DLEU7: variants seen among roughly 807,000 people sequenced by gnomAD.
The protein encoded by DLEU7 is leukemia-associated protein 7.
In DLEU7, 17 loss-of-function variants were observed where a neutral mutation model predicts 16.0. That is an observed-to-expected ratio of 1.06 (90% confidence interval 0.73 to 1.59). The LOEUF is 1.59. Among genes scored for constraint, DLEU7 ranks in the 40% most tolerant of loss-of-function variants. DLEU7 has a pLI of 0.00. For synonymous variants in DLEU7, 113 were observed against 139.8 expected, an observed-to-expected ratio of 0.81 and a Z score of 1.35; for missense variants, 308 against 314.9, an observed-to-expected ratio of 0.98 and a Z score of 0.17.
chr13:50,810,453 G>A (rs1414344579), intron 1 of DLEU7, among the ~76,000 whole-genome samples: 1 of 152,034 alleles, frequency 6.6e-6, no homozygotes, highest in Non-Finnish European at 1.5e-5. Context: ...TATAAGATAT[G>A]AATGTTTTAA....
At chr13:50,825,557 C>A (rs1003934305) in intron 1 of DLEU7, among the ~76,000 whole-genome samples, 1 of 152,048 alleles carries the variant, frequency 6.6e-6, no homozygotes, top group African/African-American at 2.4e-5. Context: ...AGAAAATATT[C>A]TGTAATTTAA....
intron 1 of DLEU7, among the ~76,000 whole-genome samples, chr13:50,722,697 G>A (rs922957829): frequency 6.6e-6 from 1 of 152,106 alleles, no homozygotes; most frequent in Non-Finnish European, 1.5e-5. Flanking sequence ...TTACTTTAGC[G>A]TTTCAGAACA....
At chr13:50,737,719 C>G (rs1194394217) in intron 1 of DLEU7, among the ~76,000 whole-genome samples, 1 of 152,086 alleles carries the variant, frequency 6.6e-6, no homozygotes, top group Non-Finnish European at 1.5e-5. Context: ...CCTTGGGCCT[C>G]TAATTCCCTG....
At chr13:50,743,449 G>T (rs796138755) in intron 1 of DLEU7, among the ~76,000 whole-genome samples, 12 of 152,256 alleles carry the variant, frequency 7.9e-5, no homozygotes, top group African/African-American at 2.6e-4. Context: ...TTAAATCCTG[G>T]CTCTATTCTT....
intron 1 of DLEU7, among the ~76,000 whole-genome samples, chr13:50,812,754 G>A (rs74078448): frequency 0.048 from 7,239 of 151,496 alleles, 578 homozygotes; most frequent in African/African-American, 0.16. Flanking sequence ...AGCTATATAC[G>A]TATAAATCCA....
At chr13:50,711,362 C>A (rs1873279857), downstream of DLEU7, 1 of 152,240 alleles carries the variant, frequency 6.6e-6, no homozygotes, top group Non-Finnish European at 1.5e-5. Flanking sequence ...CTTATATATT[C>A]ATCTAACACT....
At chr13:50,748,713 G>T (rs1874473267) in intron 1 of DLEU7, among the ~76,000 whole-genome samples, 1 of 152,020 alleles carries the variant, frequency 6.6e-6, no homozygotes, top group Non-Finnish European at 1.5e-5. Context: ...GAGAATGAGA[G>T]ACAGGGAGAC....
intron 1 of DLEU7, among the ~76,000 whole-genome samples, chr13:50,789,919 CTCTTTCTTTCTT>C (rs67993003): frequency 0.011 from 1,616 of 144,288 alleles, 19 homozygotes; most frequent in Non-Finnish European, 0.019. Context: ...CACCTTTTTT[CTCTTTCTTTCTT>C]TCTTTCTTTC....
intron 1 of DLEU7, among the ~76,000 whole-genome samples, chr13:50,839,849 C>T (rs1303738375): frequency 2.6e-5 from 4 of 152,270 alleles, no homozygotes; most frequent in African/African-American, 7.2e-5. Context: ...AAGCCACTGA[C>T]TAAATGCATT....
intron 1 of DLEU7, among the ~76,000 whole-genome samples, chr13:50,808,356 A>G (rs1466859508): frequency 6.6e-6 from 1 of 152,170 alleles, no homozygotes; most frequent in Non-Finnish European, 1.5e-5. Flanking sequence ...TTCTATCATT[A>G]TTTACTTAAA....
At chr13:50,780,953 G>A (rs1875633380) in intron 1 of DLEU7, among the ~76,000 whole-genome samples, 1 of 152,118 alleles carries the variant, frequency 6.6e-6, no homozygotes, top group Non-Finnish European at 1.5e-5. Context: ...TCAAACACTG[G>A]CTTTCTTCAG....
intron 1 of DLEU7, chr13:50,813,100 G>A (rs530433245): frequency 3.3e-5 from 5 of 152,200 alleles, no homozygotes; most frequent in South Asian, 2.1e-4. Flanking sequence ...GTGGTATGGC[G>A]GTAGACTAAG....
downstream of DLEU7, chr13:50,711,772 C>CCAGGGGGGGG: frequency 1.4e-5 from 1 of 72,928 alleles, no homozygotes; most frequent in African/African-American, 3.9e-5. Context: ...GACCCAGTGG[C>CCAGGGGGGGG]GGGGGCGGGG....
intron 1 of DLEU7, among the ~76,000 whole-genome samples, chr13:50,749,701 A>AT (rs1379929595): frequency 6.6e-6 from 1 of 151,960 alleles, no homozygotes; most frequent in African/African-American, 2.4e-5. Flanking sequence ...AATGTTGAGC[A>AT]TTTTTTCATA....
intron 1 of DLEU7, among the ~76,000 whole-genome samples, chr13:50,842,089 A>ACGG (rs1877683137): frequency 6.6e-5 from 10 of 152,156 alleles, no homozygotes; most frequent in Admixed American, 6.5e-4. Flanking sequence ...GACAACAAAG[A>ACGG]ATTAGCCAGG....
At position 50,739,018 on chromosome 13, in the gene DLEU7, A is replaced by G. The variant is rs879621580; in HGVS notation, c.460-25778T>C. 1.9e-3 allele frequency among the ~76,000 whole-genome samples: 269 copies of G among 142,872 alleles called. 1 individual carries two copies. Among genetic ancestry groups the G allele is most frequent in the African/African-American group, 6.3e-3 (239 of 38,196 alleles). The allele number at this position is 142,872 out of a possible 152,430, so 93.7% of individuals were successfully genotyped here. A position where few individuals can be genotyped will look rare whatever the true frequency, so the allele number is the denominator to read the frequency against. ...ACACACACACACGCACACACACACA[A>G]ACACTGGCCACACTGGCCTGATTTC... On this transcript the variant is annotated intron_variant, in intron 1 of 1. Transcript: ENST00000400393.
rs116253070 is a variant in DLEU7, at chr13:50,798,957, C to T, written c.459+44231G>A. On this transcript the variant is annotated intron_variant, in intron 1 of 1. Transcript: ENST00000400393. ...GCTTCTTGCTTCTCCTCCAACTCTC[C>T]TCTTTCACCCAAGCTGGAGAAGCTT... Among the ~76,000 whole-genome samples, 1,148 of 152,340 alleles carry T rather than the reference C, an allele frequency of 7.5e-3. 9 individuals are homozygous for T. Among genetic ancestry groups the T allele is most frequent in the African/African-American group, 0.026 (1,074 of 41,586 alleles).
intron 1 of DLEU7, among the ~76,000 whole-genome samples, chr13:50,800,337 G>A (rs1250321490): frequency 2.6e-5 from 4 of 152,122 alleles, no homozygotes; most frequent in South Asian, 2.1e-4. Flanking sequence ...CAAAAATACC[G>A]ACAAAATGTA....
intron 1 of DLEU7, among the ~76,000 whole-genome samples, chr13:50,796,061 C>T (rs1185046400): frequency 7.2e-6 from 1 of 138,062 alleles, no homozygotes; most frequent in African/African-American, 2.8e-5. Flanking sequence ...AGCATACCAC[C>T]AGGATATATA....
Sources: allele counts gnomAD v4.1 joint callset (sites outside exome capture counted in the v4.1 genomes callset), GRCh38; gene constraint gnomAD v4.1.1; transcripts MANE v1.5; gene names NCBI Gene and HGNC (gene_info 2026-07-23, HGNC 2026-07-21).